Variants in STX8 observed in about 807,000 individuals in gnomAD.
The protein encoded by STX8 is syntaxin-8.
STX8 carries 23 observed loss-of-function variants against 37.5 expected under a neutral mutation model. The ratio of observed to expected loss-of-function variants is 0.61; its 90% confidence interval spans 0.44 to 0.87. STX8 has a LOEUF of 0.87. Among genes scored for constraint, STX8 ranks in the 40% least tolerant of loss-of-function variants. The pLI, the probability that STX8 is intolerant of heterozygous loss-of-function variation, is 0.00. For missense variants in STX8, 313 were observed against 284.7 expected, an observed-to-expected ratio of 1.10 and a Z score of -0.71; for synonymous variants, 115 against 99.1, an observed-to-expected ratio of 1.16 and a Z score of -0.95.
chr17:9,381,246 G>GTT (rs11421158), intron 6 of STX8, among the ~76,000 whole-genome samples: 2,728 of 142,958 alleles, frequency 0.019, 70 homozygotes, highest in African/African-American at 0.065. Flanking sequence ...TTTTCATTTT[G>GTT]TTTTTTTTTT....
rs1910023473 is a variant in STX8 at position 9,333,406 on chromosome 17, G to T, written c.643+45146C>A. On this transcript the variant is annotated intron_variant, in intron 7 of 7. Transcript: ENST00000306357. ...TAAAATAACTTATTTTATTTTTTTT[G>T]AAACAGAGTCTTGCTCTGTCACCCA... 2.6e-5 allele frequency among the ~76,000 whole-genome samples: 4 copies of T among 151,726 alleles called. No homozygotes were observed. In the South Asian group the frequency reaches 8.3e-4, roughly 32 times the overall value.
intron 4 of STX8, among the ~76,000 whole-genome samples, chr17:9,515,245 A>G (rs1056403430): frequency 6.6e-6 from 1 of 152,220 alleles, no homozygotes; most frequent in African/African-American, 2.4e-5. Context: ...GCACTAAAAA[A>G]TTTTAAATAA....
chr17:9,342,146 G>T (rs544842216), intron 7 of STX8, among the ~76,000 whole-genome samples: 1 of 152,110 alleles, frequency 6.6e-6, no homozygotes, highest in South Asian at 2.1e-4. Context: ...TACATCCCTC[G>T]GATGTGCAGT....
chr17:9,369,152 G>A (rs1161360078), intron 7 of STX8, among the ~76,000 whole-genome samples: 1 of 152,294 alleles, frequency 6.6e-6, no homozygotes, highest in African/African-American at 2.4e-5. Flanking sequence ...CACTATCTGT[G>A]CTGGCATGGA....
intron 6 of STX8, among the ~76,000 whole-genome samples, chr17:9,413,677 C>T (rs1567549451): frequency 1.3e-5 from 2 of 152,136 alleles, no homozygotes; most frequent in Admixed American, 6.6e-5. Flanking sequence ...TACCCCAACA[C>T]TATGTATATC....
intron 7 of STX8, among the ~76,000 whole-genome samples, chr17:9,272,663 C>T (rs888049247): frequency 6.6e-6 from 1 of 152,186 alleles, no homozygotes; most frequent in Non-Finnish European, 1.5e-5. Flanking sequence ...CTTCGAACAC[C>T]GTGGGTGAGG....
chr17:9,463,177 C>T (rs933094639), intron 6 of STX8, among the ~76,000 whole-genome samples: 2 of 152,166 alleles, frequency 1.3e-5, no homozygotes, highest in South Asian at 2.1e-4. Flanking sequence ...TTATTAGCTA[C>T]GTGATTTGAG....
chr17:9,360,227 C>CTTTTTTTTT lies in STX8; in HGVS notation c.643+18316_643+18324dup, dbSNP rs58213453. Among the ~76,000 whole-genome samples, 299 of 72,600 alleles carry CTTTTTTTTT rather than the reference C, an allele frequency of 4.1e-3. 14 individuals carry two copies. The highest frequency in any genetic ancestry group is 0.015 in the African/African-American group (283 of 18,698). The allele number at this position is 72,600 out of a possible 152,430, so 47.6% of individuals were successfully genotyped here. On this transcript the variant is annotated intron_variant, in intron 7 of 7. Coordinates refer to ENST00000306357, the MANE Select transcript of STX8 (RefSeq NM_004853.3). Reference sequence around the variant, plus strand: ...ATACATATAATGTAAAATTAACCGTCTTTTTTTTTTTTTTTTTTTTTTTTG... The same window carrying CTTTTTTTTT: ...ATACATATAATGTAAAATTAACCGTCTTTTTTTTTTTTTTTTTTTTTTTTTTTTTTTTTG...
chr17:9,320,602 C>A (rs1317201781), intron 7 of STX8, among the ~76,000 whole-genome samples: 2 of 150,896 alleles, frequency 1.3e-5, no homozygotes, highest in African/African-American at 4.9e-5. Context: ...GTATAGAAAT[C>A]TTCCTTGTGG....
chr17:9,417,193 A>G (rs1913231737), intron 6 of STX8, among the ~76,000 whole-genome samples: 2 of 152,188 alleles, frequency 1.3e-5, no homozygotes, highest in African/African-American at 4.8e-5. Context: ...GCTCTGCATT[A>G]AACTCTTTCT....
At chr17:9,379,711 A>T (rs1911725915) in intron 6 of STX8, among the ~76,000 whole-genome samples, 1 of 152,062 alleles carries the variant, frequency 6.6e-6, no homozygotes. Flanking sequence ...GCTCACACCT[A>T]TAATCCCAGC....
At chr17:9,257,351 T>C (rs1261776607) in intron 7 of STX8, among the ~76,000 whole-genome samples, 1 of 152,176 alleles carries the variant, frequency 6.6e-6, no homozygotes, top group Non-Finnish European at 1.5e-5. Context: ...TCATGGTCCA[T>C]ACTTTTTTCC....
chr17:9,568,744 C>A (rs994197424), intron 1 of STX8, among the ~76,000 whole-genome samples: 3 of 152,208 alleles, frequency 2.0e-5, no homozygotes, highest in Non-Finnish European at 2.9e-5. Context: ...TCGTGATCCG[C>A]CCCCTCGGCC....
chr17:9,385,261 G>A (rs1000003369), intron 6 of STX8, among the ~76,000 whole-genome samples: 18 of 152,140 alleles, frequency 1.2e-4, no homozygotes, highest in African/African-American at 4.3e-4. Context: ...ATTGAACACA[G>A]TTCTGTTTAT....
chr17:9,292,334 A>G (rs1908341425), intron 7 of STX8, among the ~76,000 whole-genome samples: 1 of 152,174 alleles, frequency 6.6e-6, no homozygotes, highest in Non-Finnish European at 1.5e-5. Flanking sequence ...GGCGTGGGAG[A>G]CCTGCAGCTT....
At chr17:9,467,856 T>C (rs143890045) in intron 6 of STX8, among the ~76,000 whole-genome samples, 3 of 152,332 alleles carry the variant, frequency 2.0e-5, no homozygotes, top group African/African-American at 7.2e-5. Context: ...CATCTCCCAC[T>C]ATTTTTACAA....
rs1006244249 is a variant in STX8 at position 9,319,574 on chromosome 17, C to T, written c.643+58978G>A. On this transcript the variant is annotated intron_variant, in intron 7 of 7. Transcript: ENST00000306357. ...ACAAGATTTACAGTCATATCCCATC[C>T]AGACTGGAACAAGAAGCCAGAGGGT... Among the ~76,000 whole-genome samples the T allele has an allele frequency of 3.3e-5, 5 of 152,170 alleles. No individual in the cohort carries two copies. The East Asian group carries it at 9.6e-4, about 29-fold the overall frequency.
At chr17:9,560,787 A>T (rs1907203882) in intron 2 of STX8, among the ~76,000 whole-genome samples, 1 of 151,838 alleles carries the variant, frequency 6.6e-6, no homozygotes, top group Non-Finnish European at 1.5e-5. Flanking sequence ...AATTACTCTG[A>T]CAGAAGGATA....
chr17:9,322,828 A>AAAAAG (rs1037917408), intron 7 of STX8, among the ~76,000 whole-genome samples: 6 of 148,626 alleles, frequency 4.0e-5, no homozygotes, highest in African/African-American at 1.3e-4. Flanking sequence ...AAAAAAAAAA[A>AAAAAG]AAAAAAAAAA....
Sources: allele counts gnomAD v4.1 joint callset (sites outside exome capture counted in the v4.1 genomes callset), GRCh38; gene constraint gnomAD v4.1.1; transcripts MANE v1.5; gene names NCBI Gene and HGNC (gene_info 2026-07-23, HGNC 2026-07-21).